Variants in ZNF227 observed in about 807,000 individuals in gnomAD.
ZNF227 encodes zinc finger protein 227.
In ZNF227, 12 loss-of-function variants were observed where a neutral mutation model predicts 13.2. That is an observed-to-expected ratio of 0.91 (90% CI 0.58 to 1.47). The LOEUF (loss-of-function observed/expected upper bound fraction) is 1.47, where lower values mean the gene tolerates loss of function less well. Among genes scored for constraint, ZNF227 ranks in the 40% most tolerant of loss-of-function variants. The pLI is 0.00. For synonymous variants in ZNF227, 338 were observed against 326.0 expected, an observed-to-expected ratio of 1.04 and a Z score of -0.40; for missense variants, 885 against 967.5, an observed-to-expected ratio of 0.91 and a Z score of 1.13.
chr19:44,218,829 CAG>C (rs1306978938), intron 3 of ZNF227, among the ~76,000 whole-genome samples: 1 of 152,214 alleles, frequency 6.6e-6, no homozygotes, highest in Non-Finnish European at 1.5e-5. Context: ...TAAAGGCAGA[CAG>C]AACAAAAGAG....
intron 3 of ZNF227, among the ~76,000 whole-genome samples, chr19:44,220,590 A>C (rs918133918): frequency 2.3e-4 from 35 of 152,084 alleles, no homozygotes; most frequent in African/African-American, 8.2e-4. Context: ...CTTCCTTTGA[A>C]ACTGCAGACT....
chr19:44,212,433 G>C (rs1458880904), upstream of ZNF227: 1 of 147,150 alleles, frequency 6.8e-6, no homozygotes, highest in African/African-American at 2.6e-5. Context: ...TTTCCTTCTG[G>C]AAGTTCTGGG....
At chr19:44,212,367 T>G (rs1971418837), upstream of ZNF227, among the ~76,000 whole-genome samples, 1 of 104,808 alleles carries the variant, frequency 9.5e-6, no homozygotes, top group African/African-American at 4.7e-5. Flanking sequence ...GCTCGCTCCG[T>G]TTTTTTTTTT....
At position 44,235,173 on chromosome 19, in the gene ZNF227, AACC is replaced by A; in HGVS notation, c.744_746del (p.Lys248_Pro249delinsAsn). On this transcript the variant is annotated inframe_deletion, in exon 6 of 6. Transcript: ENST00000313040. ...AATCAGAAATTACCCTTAGGAGAGA[AACC>A]CCATCCATGTGGTGAGTGTGGAAGG... is the stretch of plus-strand genomic sequence containing the variant. 1 of 1,614,174 alleles carries A rather than the reference AACC, an allele frequency of 6.2e-7. No individual in the cohort carries two copies. The highest frequency in any genetic ancestry group is 1.1e-5 in the South Asian group (1 of 91,086).
chr19:44,236,559 A>T lies in ZNF227; in HGVS notation c.2129A>T (p.His710Leu), dbSNP rs1191607250. ...AATCTTCGCCATCATCAGAGGGTCC[A>T]CACGGGAGAGAAACCCCATATATGT... is the stretch of plus-strand genomic sequence containing the variant. ...SLNLRHHQRV[H>L]TGEKPHICEE... Residue 710 changes from histidine (H) to leucine (L), a missense_variant, in exon 6 of 6, where the codon CAC becomes CTC. By Grantham distance (99) the His-to-Leu change is moderately conservative. Transcript: ENST00000313040. 1 of 1,614,142 alleles carries T rather than the reference A, an allele frequency of 6.2e-7. No individual in the cohort carries two copies. Among genetic ancestry groups the T allele is most frequent in the South Asian group, 1.1e-5 (1 of 91,082 alleles).
chr19:44,213,598 T>G (rs547991354), intron 2 of ZNF227: 1 of 152,092 alleles, frequency 6.6e-6, no homozygotes, highest in African/African-American at 2.4e-5. Flanking sequence ...TGATCTTTTT[T>G]GTTTGTTTTT....
In ZNF227 at chr19:44,234,755, C is replaced by T. The variant is rs1974232689; in HGVS notation, c.325C>T (p.Leu109Phe). The T allele has an allele frequency of 3.1e-6, 5 of 1,606,554 alleles. No homozygotes were observed. Among genetic ancestry groups the T allele is most frequent in the Non-Finnish European group, 4.2e-6 (5 of 1,178,234 alleles). ...ETLQKFALKY[L>F]SNQELSCWQI... ...ACTCCAAAAATTTGCATTAAAATAC[C>T]TTTCAAATCAAGAGCTGTCCTGCTG... Residue 109 changes from leucine (L) to phenylalanine (F), a missense_variant, in exon 6 of 6, where the codon CTT (leucine) becomes TTT (phenylalanine). Leu to Phe is a conservative substitution (Grantham distance 22). Transcript: ENST00000313040.
intron 5 of ZNF227, among the ~76,000 whole-genome samples, chr19:44,230,766 C>G (rs2122889783): frequency 6.6e-6 from 1 of 151,334 alleles, no homozygotes; most frequent in Non-Finnish European, 1.5e-5. Flanking sequence ...TTCCTCAGGT[C>G]TATTGACTTA....
Position 44,235,757 on chromosome 19 carries a change from A to G in ZNF227, c.1327A>G (p.Lys443Glu). The change falls in exon 6 of 6, where the codon AAG becomes GAG. Residue 443 changes from lysine (K) to glutamate (E), a missense_variant. Transcript: ENST00000313040. ...ACCCTACAAGTGTGATGTGTGTGGTAAGGGCTTCAGCCACAATTCACCATT... is the reference window on the plus strand; with the variant it reads ...ACCCTACAAGTGTGATGTGTGTGGTGAGGGCTTCAGCCACAATTCACCATT... ...EKPYKCDVCG[K>E]GFSHNSPLIC... 1 of 1,614,092 alleles carries G rather than the reference A, an allele frequency of 6.2e-7. No individual in the cohort carries two copies. The highest frequency in any genetic ancestry group is 1.1e-5 in the South Asian group (1 of 91,078).
chr19:44,234,745 A>G lies in ZNF227; in HGVS notation c.315A>G (p.Ala105=), dbSNP rs376802506. The change falls in exon 6 of 6, where the codon GCA becomes GCG. Residue 105 remains alanine (A), a synonymous_variant. Transcript: ENST00000313040. ...AGATGGAAACACTCCAAAAATTTGCATTAAAATACCTTTCAAATCAAGAGC... is the reference window on the plus strand; with the variant it reads ...AGATGGAAACACTCCAAAAATTTGCGTTAAAATACCTTTCAAATCAAGAGC... ...QNKMETLQKF[A]LKYLSNQELS... 6 of 1,599,344 alleles carry G rather than the reference A, an allele frequency of 3.8e-6. No individual in the cohort carries two copies. In the East Asian group the frequency reaches 8.9e-5, roughly 24 times the overall value.
Position 44,236,129 on chromosome 19 carries a change from C to T in ZNF227, c.1699C>T (p.Gln567Ter), listed in dbSNP as rs1974460726. 6.2e-7 allele frequency: 1 copy of T among 1,613,840 alleles called. No homozygotes were observed. The highest frequency in any genetic ancestry group is 1.7e-5 in the Admixed American group (1 of 59,976). Residue 567 changes from glutamine (Q) to a stop codon, truncating the protein, a stop_gained, in exon 6 of 6, where the codon CAA (glutamine) becomes TAA (stop). Coordinates refer to ENST00000313040, the MANE Select transcript of ZNF227 (RefSeq NM_182490.3). LOFTEE classifies it low-confidence loss of function (END_TRUNC). The stretch of plus-strand genomic sequence containing the variant: ...TTATAGTTCAAATCTTAAACTACAC[C>T]AAGTAATTCACACTGGAGAAAAACC... ...FSYSSNLKLH[Q>*]VIHTGEKPYK...
At chr19:44,226,634 G>A (rs986579332) in intron 3 of ZNF227, among the ~76,000 whole-genome samples, 2 of 152,188 alleles carry the variant, frequency 1.3e-5, no homozygotes, top group Admixed American at 1.3e-4. Flanking sequence ...GAAAAGCGCA[G>A]TATTAGGGTG....
chr19:44,216,793 C>T (rs1346708566), intron 2 of ZNF227, among the ~76,000 whole-genome samples: 1 of 152,042 alleles, frequency 6.6e-6, no homozygotes, highest in African/African-American at 2.4e-5. Context: ...CAGAATGATA[C>T]GTTTTAGAAA....
chr19:44,236,125 A>G lies in ZNF227; in HGVS notation c.1695A>G (p.Leu565=). ...TCAGTTATAGTTCAAATCTTAAACT[A>G]CACCAAGTAATTCACACTGGAGAAA... The part of the protein sequence containing the change: ...KDFSYSSNLK[L]HQVIHTGEKP... Residue 565 remains leucine (L), a synonymous_variant, in exon 6 of 6, where the codon CTA becomes CTG. Coordinates refer to ENST00000313040, the MANE Select transcript of ZNF227 (RefSeq NM_182490.3). 2 of 1,614,028 alleles carry G rather than the reference A, an allele frequency of 1.2e-6. No individual in the cohort carries two copies. Among genetic ancestry groups the G allele is most frequent in the Non-Finnish European group, 1.7e-6 (2 of 1,179,988 alleles).
chr19:44,208,531 G>T (rs2168989), upstream of ZNF227, among the ~76,000 whole-genome samples: 92,468 of 151,962 alleles, frequency 0.61, 28,517 homozygotes, highest in African/African-American at 0.7. Context: ...TTACATAGCC[G>T]CTAATGAAAT....
intron 5 of ZNF227, among the ~76,000 whole-genome samples, chr19:44,230,899 C>A (rs1213927343): frequency 2.0e-5 from 2 of 98,844 alleles, no homozygotes; most frequent in Non-Finnish European, 3.4e-5. Context: ...TAGTGAGACT[C>A]CATCTCTACA....
In ZNF227 at chr19:44,236,762, G is replaced by GA; in HGVS notation, c.2333dup (p.Asp778GlufsTer2). ...AAAACCATACAAATGTGACATATGTGATAAGGACTTCCGTCACCGTTCACG... is the reference window on the plus strand; with the variant it reads ...AAAACCATACAAATGTGACATATGTGAATAAGGACTTCCGTCACCGTTCACG... On this transcript the variant is annotated frameshift_variant, in exon 6 of 6. Coordinates refer to ENST00000313040, the MANE Select transcript of ZNF227 (RefSeq NM_182490.3). LOFTEE classifies it high-confidence loss of function. 6.2e-7 allele frequency: 1 copy of GA among 1,613,176 alleles called. No homozygotes were observed. The highest frequency in any genetic ancestry group is 1.1e-5 in the South Asian group (1 of 90,938).
At position 44,226,194 on chromosome 19, in the gene ZNF227, G is replaced by C. The variant is rs530353411; in HGVS notation, c.61-2252G>C. On this transcript the variant is annotated intron_variant, in intron 3 of 5. Coordinates refer to ENST00000313040, the MANE Select transcript of ZNF227 (RefSeq NM_182490.3). ...TGTGAGGTGTCAGTCTGCCCCTACT[G>C]GGGGGGTGTCTCCCAGTTAGGCTGC... Among the ~76,000 whole-genome samples, 27 of 150,362 alleles carry C rather than the reference G, an allele frequency of 1.8e-4. 1 individual carries two copies. The South Asian group carries it at 2.9e-3, about 16-fold the overall frequency.
intron 3 of ZNF227, among the ~76,000 whole-genome samples, chr19:44,225,929 C>T (rs371620081): frequency 1.5e-3 from 221 of 152,270 alleles, no homozygotes; most frequent in African/African-American, 5.0e-3. Flanking sequence ...TGGTGATGTA[C>T]AGATGGGTTT....
Sources: gnomAD v4.1 joint callset for allele counts (sites outside exome capture counted in the v4.1 genomes callset) on GRCh38, gnomAD v4.1.1 for gene constraint, MANE v1.5 for transcripts, NCBI Gene and HGNC (gene_info 2026-07-23, HGNC 2026-07-21) for gene names.